Variants in BCR observed in about 807,000 individuals in gnomAD.
BCR encodes BCR activator of RhoGEF and GTPase, also known as breakpoint cluster region protein.
BCR carries 58 observed loss-of-function variants against 138.6 expected under a neutral mutation model. The observed-to-expected ratio is 0.42, with a 90% CI of 0.34 to 0.52. The LOEUF is 0.52. Among genes scored for constraint, BCR ranks in the 20% least tolerant of loss-of-function variants. The pLI, the probability that BCR is intolerant of heterozygous loss-of-function variation, is 0.06. For synonymous variants in BCR, 786 were observed against 730.1 expected (o/e 1.08, Z -1.23); for missense variants, 1,599 against 1,727.2 (o/e 0.93, Z 1.32).
At chr22:23,219,715 C>G (rs776933585) in intron 1 of BCR, among the ~76,000 whole-genome samples, 22 of 152,132 alleles carry the variant, frequency 1.4e-4, no homozygotes, top group Non-Finnish European at 3.2e-4. Context: ...GCTTCCTGCA[C>G]CCCCTCTCCT....
chr22:23,281,699 TGGCA>T (rs1399775943), intron 8 of BCR, among the ~76,000 whole-genome samples: 1 of 152,084 alleles, frequency 6.6e-6, no homozygotes, highest in Non-Finnish European at 1.5e-5. Flanking sequence ...GGGGAGTCTG[TGGCA>T]GCATCAAAAG....
chr22:23,202,687 C>G (rs970563743), intron 1 of BCR, among the ~76,000 whole-genome samples: 1 of 151,018 alleles, frequency 6.6e-6, no homozygotes, highest in Admixed American at 6.6e-5. Context: ...TTCAGAACCC[C>G]TTCCTTTTTA....
At chr22:23,246,504 C>G (rs893513028) in intron 1 of BCR, among the ~76,000 whole-genome samples, 8 of 152,122 alleles carry the variant, frequency 5.3e-5, no homozygotes, top group African/African-American at 1.9e-4. Context: ...TGATTATACA[C>G]CTAGGAGGGG....
chr22:23,183,948 C>G (rs921825073), intron 1 of BCR, among the ~76,000 whole-genome samples: 2 of 152,162 alleles, frequency 1.3e-5, no homozygotes, highest in African/African-American at 4.8e-5. Context: ...TCAGACAGGG[C>G]AGGTCCTCAG....
At chr22:23,277,253 C>G (rs9612275) in intron 8 of BCR, among the ~76,000 whole-genome samples, 35,200 of 152,194 alleles carry the variant, frequency 0.23, 4,440 homozygotes, top group Middle Eastern at 0.3. Context: ...GGTGATCTCC[C>G]TTTTACAGAT....
At chr22:23,296,174 A>G (rs1263930890) in intron 16 of BCR, among the ~76,000 whole-genome samples, 2 of 152,134 alleles carry the variant, frequency 1.3e-5, no homozygotes, top group East Asian at 3.9e-4. Flanking sequence ...GGAGATCGAG[A>G]CCATCCTGGC....
intron 16 of BCR, among the ~76,000 whole-genome samples, chr22:23,300,519 C>A (rs1344121451): frequency 6.6e-6 from 1 of 152,266 alleles, no homozygotes; most frequent in Admixed American, 6.5e-5. Flanking sequence ...ATAAGATCCA[C>A]CCAACTTGGT....
chr22:23,312,801 G>A (rs776810789), intron 19 of BCR, 86 bp from the exon 20 acceptor site: 13 of 1,533,258 alleles, frequency 8.5e-6, no homozygotes, highest in Non-Finnish European at 1.2e-5. Flanking sequence ...CAGCATGGCA[G>A]GGACAGTGCT....
chr22:23,276,131 G>A (rs1241503920), intron 8 of BCR, among the ~76,000 whole-genome samples: 2 of 152,140 alleles, frequency 1.3e-5, no homozygotes, highest in African/African-American at 4.8e-5. Flanking sequence ...TGGGCGCGGT[G>A]GCTCACACCT....
intron 4 of BCR, chr22:23,264,235 C>A: frequency 2.0e-6 from 2 of 1,014,492 alleles, no homozygotes; most frequent in East Asian, 2.4e-5. Context: ...AGGGCCTGCC[C>A]GCACACCTTC....
chr22:23,314,263 T>C (rs1022835430), intron 21 of BCR, among the ~76,000 whole-genome samples, 190 bp downstream of exon 21: 2 of 152,138 alleles, frequency 1.3e-5, no homozygotes, highest in African/African-American at 4.8e-5. Flanking sequence ...CCCTCCTCTC[T>C]CTGCACTGTG....
chr22:23,250,479 T>G (rs951729334), intron 1 of BCR, among the ~76,000 whole-genome samples: 1 of 152,226 alleles, frequency 6.6e-6, no homozygotes, highest in Non-Finnish European at 1.5e-5. Context: ...GGGGCTTTGC[T>G]GGCCCGACCA....
intron 1 of BCR, among the ~76,000 whole-genome samples, chr22:23,245,739 A>T (rs2073149765): frequency 6.6e-6 from 1 of 152,050 alleles, no homozygotes. Flanking sequence ...GGATACTCTC[A>T]GCCCTCGGGA....
intron 16 of BCR, among the ~76,000 whole-genome samples, chr22:23,297,909 T>C (rs1252425470): frequency 6.6e-6 from 1 of 152,162 alleles, no homozygotes; most frequent in Non-Finnish European, 1.5e-5. Context: ...GCTACTGAAG[T>C]ATTTATGCAC....
intron 1 of BCR, among the ~76,000 whole-genome samples, chr22:23,250,229 ACACGGGAGTCAGTGTAGT>A (rs1360829634): frequency 6.6e-6 from 1 of 152,188 alleles, no homozygotes; most frequent in African/African-American, 2.4e-5. Flanking sequence ...ACTTGACCTT[ACACGGGAGTCAGTGTAGT>A]CATGGGCTCG....
intron 21 of BCR, 87 bp from the exon 22 acceptor site, chr22:23,314,465 T>C (rs1433259279): frequency 4.0e-6 from 6 of 1,487,736 alleles, no homozygotes; most frequent in Non-Finnish European, 5.6e-6. Flanking sequence ...GTCACTCCCT[T>C]CCTGAGAACT....
chr22:23,285,077 A>T lies in BCR; in HGVS notation c.2282A>T (p.Asp761Val). ...TGCAAATGGTACATTCCGCTCACGGATCTCAGCTTCCAGATGGTGGATGAA... is the reference window on the plus strand; with the variant it reads ...TGCAAATGGTACATTCCGCTCACGGTTCTCAGCTTCCAGATGGTGGATGAA... Reference protein sequence around the residue: ...YDCKWYIPLTDLSFQMVDELE... With the variant: ...YDCKWYIPLTVLSFQMVDELE... The change falls in exon 10 of 23, where the codon GAT becomes GTT. Residue 761 changes from aspartate to valine, a missense_variant. This residue lies in a region of BCR where 590 missense variants were observed against 762.4 expected (regional missense o/e 0.77). Coordinates refer to ENST00000305877, the MANE Select transcript of BCR (RefSeq NM_004327.4). 2 of 1,614,092 alleles carry T rather than the reference A, an allele frequency of 1.2e-6. No homozygotes were observed. The highest frequency in any genetic ancestry group is 1.7e-6 in the Non-Finnish European group (2 of 1,180,018).
intron 8 of BCR, among the ~76,000 whole-genome samples, chr22:23,274,487 A>G (rs1246688241): frequency 6.6e-6 from 1 of 152,228 alleles, no homozygotes; most frequent in African/African-American, 2.4e-5. Context: ...CAGGGGGAAC[A>G]GCTTTTGTCA....
intron 22 of BCR, 32 bp downstream of exon 22, chr22:23,314,746 C>T: frequency 6.2e-7 from 1 of 1,611,370 alleles, no homozygotes; most frequent in Non-Finnish European, 8.5e-7. Flanking sequence ...CCCATGCAAC[C>T]CTGACCTGAC....
Sources: allele counts gnomAD v4.1 joint callset (sites outside exome capture counted in the v4.1 genomes callset), GRCh38; gene constraint gnomAD v4.1.1; regional missense constraint gnomAD v4.1.1; transcripts MANE v1.5; gene names NCBI Gene and HGNC (gene_info 2026-07-23, HGNC 2026-07-21).